The following IQCH variants were observed in gnomAD, a reference collection of about 807,000 sequenced individuals.
IQCH encodes the protein IQ motif containing H.
IQCH carries 98 observed loss-of-function variants against 117.0 expected under a neutral mutation model. That is an observed-to-expected ratio of 0.84 (90% CI 0.71 to 0.99). The LOEUF (loss-of-function observed/expected upper bound fraction) is 0.99, where lower values mean the gene tolerates loss of function less well. Among genes scored for constraint, IQCH ranks in the 50% least tolerant of loss-of-function variants. IQCH has a pLI of 0.00. For missense variants in IQCH, 1,102 were observed against 1,243.8 expected (o/e 0.89, Z 1.72); for synonymous variants, 412 against 448.2 (o/e 0.92, Z 1.02).
intron 4 of IQCH, among the ~76,000 whole-genome samples, chr15:67,285,470 G>T (rs1226398722): frequency 1.6e-4 from 24 of 151,906 alleles, no homozygotes; most frequent in Admixed American, 1.5e-3. Context: ...GTCAATTTTT[G>T]TTGACAAAAA....
intron 4 of IQCH, among the ~76,000 whole-genome samples, chr15:67,289,958 C>G (rs980556864): frequency 6.6e-6 from 1 of 152,060 alleles, no homozygotes; most frequent in Non-Finnish European, 1.5e-5. Flanking sequence ...TCTTCCAAAT[C>G]ACTTTTGGCC....
chr15:67,261,078 A>G (rs1362308379), intron 1 of IQCH, among the ~76,000 whole-genome samples, 194 bp from the exon 2 acceptor site: 1 of 134,748 alleles, frequency 7.4e-6, no homozygotes, highest in Non-Finnish European at 1.6e-5. Context: ...TCTGAGCAAG[A>G]GTGAAATTCC....
At position 67,254,856 on chromosome 15, in the gene IQCH, A is replaced by G. The variant is rs764498221; in HGVS notation, c.-41A>G. The G allele has an allele frequency of 6.2e-6, 10 of 1,602,648 alleles. No homozygotes were observed. Among genetic ancestry groups the G allele is most frequent in the Middle Eastern group, 1.6e-4 (1 of 6,070 alleles). On this transcript the variant is annotated 5_prime_UTR_variant, in exon 1 of 21. Transcript: ENST00000335894. ...TCCGGCTGAAGGTTTCCGTGCTTGG[A>G]AACCGCGCCTCCGCGGAGGTAGCCG... is the stretch of plus-strand genomic sequence containing the variant.
At chr15:67,267,613 T>A (rs998711644) in intron 3 of IQCH, among the ~76,000 whole-genome samples, 2 of 152,194 alleles carry the variant, frequency 1.3e-5, no homozygotes, top group African/African-American at 4.8e-5. Context: ...CAATGCCTGC[T>A]CAAACTGTGA....
At chr15:67,340,426 CAAAAAAAAAAAAAAAAAAAAAA>C (rs57244130) in intron 5 of IQCH, among the ~76,000 whole-genome samples, 11 of 62,660 alleles carry the variant, frequency 1.8e-4, no homozygotes, top group East Asian at 9.4e-4. Context: ...TACTCCATCT[CAAAAAAAAAAAAAAAAAAAAAA>C]AAAAAAAAAA....
chr15:67,280,601 T>C (rs1966314214), intron 4 of IQCH, among the ~76,000 whole-genome samples: 1 of 152,194 alleles, frequency 6.6e-6, no homozygotes, highest in African/African-American at 2.4e-5. Flanking sequence ...ATTAGGGTTC[T>C]ACCCTCATGA....
Position 67,384,575 on chromosome 15 carries a change from A to G in IQCH, c.1373-361A>G, listed in dbSNP as rs1277079911. Among the ~76,000 whole-genome samples the G allele has an allele frequency of 6.6e-6, 1 of 152,278 alleles. No individual in the cohort carries two copies. The highest frequency in any genetic ancestry group is 1.9e-4 in the East Asian group (1 of 5,184). On this transcript the variant is annotated intron_variant, in intron 10 of 20. Transcript: ENST00000335894. This position sits in a 1 kb window ranked among gnomAD's most constrained non-coding sequence, Gnocchi z 4.3. ...TACCACATAAGAAGCTCACATTAAGAAGCCAAAACGATATTTTTTTTAACC... is the reference window on the plus strand; with the variant it reads ...TACCACATAAGAAGCTCACATTAAGGAGCCAAAACGATATTTTTTTTAACC...
intron 18 of IQCH, among the ~76,000 whole-genome samples, chr15:67,485,806 G>T (rs1038435454): frequency 6.7e-6 from 1 of 149,260 alleles, no homozygotes; most frequent in East Asian, 2.0e-4. Flanking sequence ...CTACAGGCAC[G>T]CGCCACCATG....
intron 14 of IQCH, among the ~76,000 whole-genome samples, chr15:67,402,194 C>A (rs1971688841): frequency 6.6e-6 from 1 of 152,134 alleles, no homozygotes; most frequent in Non-Finnish European, 1.5e-5. Context: ...TTATTAAATG[C>A]AAAGCTCTTG....
In IQCH at chr15:67,384,299, G is replaced by A. The variant is rs1014396511; in HGVS notation, c.1373-637G>A. ...TTTTGTGAGAGATTTTTGGACAATA[G>A]TAATTCATATGTGTTTTCCCTTCTG... On this transcript the variant is annotated intron_variant, in intron 10 of 20. Coordinates refer to ENST00000335894, the MANE Select transcript of IQCH (RefSeq NM_001031715.3). The surrounding 1 kb of genome is among the most constrained non-coding windows in gnomAD (Gnocchi z 4.3). Among the ~76,000 whole-genome samples the A allele has an allele frequency of 2.6e-5, 4 of 152,046 alleles. No individual in the cohort carries two copies. The highest frequency in any genetic ancestry group is 4.1e-4 in the South Asian group (2 of 4,824).
At chr15:67,487,079 T>A (rs2083503211) in intron 18 of IQCH, among the ~76,000 whole-genome samples, 2 of 152,232 alleles carry the variant, frequency 1.3e-5, no homozygotes, top group African/African-American at 4.8e-5. Flanking sequence ...ACGCCTGTAA[T>A]CCCAGCACTT....
rs1174738448 is a variant in IQCH at position 67,407,706 on chromosome 15, G to GT, written c.2097+7405dup. ...TTTTCTGTCACACGTTAATTACAGC[G>GT]TTTTGCCATTAAATAGGAAGCTTTG... is the stretch of plus-strand genomic sequence containing the variant. On this transcript the variant is annotated intron_variant, in intron 14 of 20. Coordinates refer to ENST00000335894, the MANE Select transcript of IQCH (RefSeq NM_001031715.3). This position sits in a 1 kb window ranked among gnomAD's most constrained non-coding sequence, Gnocchi z 5.3. 2 of 152,150 alleles carry GT rather than the reference G, an allele frequency of 1.3e-5. No homozygotes were observed. Among genetic ancestry groups the GT allele is most frequent in the Admixed American group, 1.3e-4 (2 of 15,272 alleles). The allele number at this position is 152,150 out of a possible 1,614,324, so 9.4% of individuals were successfully genotyped here. A position where few individuals can be genotyped will look rare whatever the true frequency, so the allele number is the denominator to read the frequency against.
intron 4 of IQCH, among the ~76,000 whole-genome samples, chr15:67,325,428 A>T (rs1042218665): frequency 5.3e-5 from 8 of 152,136 alleles, no homozygotes; most frequent in African/African-American, 1.9e-4. Context: ...AAAGTTGGGG[A>T]AAAAGCTACC....
intron 18 of IQCH, among the ~76,000 whole-genome samples, chr15:67,477,427 C>T (rs1338317618): frequency 6.6e-6 from 1 of 152,174 alleles, no homozygotes; most frequent in African/African-American, 2.4e-5. Flanking sequence ...TGACACTTGG[C>T]AATCCCCAGC....
At chr15:67,317,866 T>G (rs1967924833) in intron 4 of IQCH, among the ~76,000 whole-genome samples, 1 of 152,004 alleles carries the variant, frequency 6.6e-6, no homozygotes, top group Non-Finnish European at 1.5e-5. Flanking sequence ...TTCTCTCATC[T>G]CTCCATCTCC....
chr15:67,432,146 TAAAG>T lies in IQCH; in HGVS notation c.2505+10573_2505+10576del, dbSNP rs2082034112. On this transcript the variant is annotated intron_variant, in intron 16 of 20. Transcript: ENST00000335894. The surrounding 1 kb of genome is among the most constrained non-coding windows in gnomAD (Gnocchi z 5.0). ...TAATACTTTTTTTGAAAAAGGAAAT[TAAAG>T]AAAATCCAAGCTTTAAGAAGAATTG... 6.6e-6 allele frequency among the ~76,000 whole-genome samples: 1 copy of T among 152,098 alleles called. No homozygotes were observed. Among genetic ancestry groups the T allele is most frequent in the African/African-American group, 2.4e-5 (1 of 41,398 alleles).
chr15:67,255,210 A>G (rs1284009213), intron 1 of IQCH: 1 of 537,308 alleles, frequency 1.9e-6, no homozygotes, highest in Non-Finnish European at 3.3e-6. Flanking sequence ...CGGAACCTTT[A>G]CTTCAGAAAA....
chr15:67,308,130 G>A (rs1487598016), intron 4 of IQCH, among the ~76,000 whole-genome samples: 1 of 152,162 alleles, frequency 6.6e-6, no homozygotes, highest in Non-Finnish European at 1.5e-5. Context: ...TATTCCGCCT[G>A]CTGTAAGCTG....
chr15:67,299,935 T>C (rs185807804), intron 4 of IQCH, among the ~76,000 whole-genome samples: 2 of 152,310 alleles, frequency 1.3e-5, no homozygotes, highest in Admixed American at 1.3e-4. Flanking sequence ...ATTTGTCTTT[T>C]ATAAAATTCT....
Sources: allele counts gnomAD v4.1 joint callset (sites outside exome capture counted in the v4.1 genomes callset), GRCh38; gene constraint gnomAD v4.1.1; non-coding constraint Gnocchi (gnomAD v3.1); transcripts MANE v1.5; gene names NCBI Gene and HGNC (gene_info 2026-07-23, HGNC 2026-07-21).